MROH2B: variants seen among roughly 807,000 people sequenced by gnomAD.
The protein encoded by MROH2B is maestro heat like repeat family member 2B, also known as maestro heat-like repeat-containing protein family member 2B.
In MROH2B, 177 loss-of-function variants were observed where a neutral mutation model predicts 208.6. The observed-to-expected ratio is 0.85, with a 90% CI of 0.75 to 0.96. MROH2B has a LOEUF of 0.96. Ranked by LOEUF, MROH2B falls within the 40% of genes least tolerant of loss-of-function variation. The probability of loss-of-function intolerance (pLI) is 0.00; values close to 1 mark genes in which losing one functional copy is unlikely to be tolerated. For missense variants in MROH2B, 2,002 were observed against 1,878.7 expected (o/e 1.07, Z -1.21); for synonymous variants, 728 against 659.0 (o/e 1.10, Z -1.60).
At chr5:41,005,147 G>T (rs1052735934) in intron 35 of MROH2B, 5 of 566,362 alleles carry the variant, frequency 8.8e-6, no homozygotes, top group Non-Finnish European at 1.5e-5. Flanking sequence ...CTGCATAACA[G>T]ATGTCTAGTC....
chr5:41,049,138 T>C lies in MROH2B; in HGVS notation c.1505A>G (p.Lys502Arg). Residue 502 changes from lysine to arginine, a missense_variant, in exon 15 of 42, where the codon AAA (lysine) becomes AGA (arginine). By Grantham distance (26) the Lys-to-Arg change is conservative (BLOSUM62 2). Transcript: ENST00000399564. ...CAGTAGCTGCTGTGGTGAAGGAAGT[T>C]TCACTAGAAAGAGAAAGCAATTTTC... ...TALVVSTGAV[K>R]LPSPQQLLAR... 6.2e-7 allele frequency: 1 copy of C among 1,601,358 alleles called. No homozygotes were observed. Among genetic ancestry groups the C allele is most frequent in the Non-Finnish European group, 8.5e-7 (1 of 1,173,174 alleles).
At position 41,017,839 on chromosome 5, in the gene MROH2B, C is replaced by T. The variant is rs761370911; in HGVS notation, c.2884+11G>A. On this transcript the variant is annotated intron_variant, in intron 28 of 41. Transcript: ENST00000399564. ...TTTTCTTCATTTGTGGGTTCCCCAT[C>T]TTTCCCTCACCTTTTATATAGAACA... 1.9e-6 allele frequency: 3 copies of T among 1,572,632 alleles called. No individual in the cohort carries two copies. Among genetic ancestry groups the T allele is most frequent in the South Asian group, 1.2e-5 (1 of 84,048 alleles).
intron 11 of MROH2B, 53 bp from the exon 12 acceptor site, chr5:41,052,640 AATT>A: frequency 6.7e-7 from 1 of 1,483,926 alleles, no homozygotes; most frequent in Non-Finnish European, 9.0e-7. Context: ...GCAGAAGGGA[AATT>A]TACCTTATTT....
rs371022714 is a variant in MROH2B, at chr5:41,045,808, T to A, written c.1774A>T (p.Ile592Phe). Residue 592 changes from isoleucine (I) to phenylalanine (F), a missense_variant, in exon 18 of 42, where the codon ATT becomes TTT. By Grantham distance (21) the Ile-to-Phe change is conservative. Transcript: ENST00000399564. ...LWKISDVAWT[I>F]QLTQDFKQQM... is the part of the protein sequence containing the mutation. Reference sequence around the variant, plus strand: ...TGTTTGAAATCCTGAGTCAGCTGAATGGTCCAGGCCACATCACTGATCTTC... The same window carrying A: ...TGTTTGAAATCCTGAGTCAGCTGAAAGGTCCAGGCCACATCACTGATCTTC... The A allele has an allele frequency of 9.2e-5, 149 of 1,613,498 alleles. No individual in the cohort carries two copies. Among genetic ancestry groups the A allele is most frequent in the Non-Finnish European group, 1.2e-4 (143 of 1,179,598 alleles).
chr5:41,037,061 G>A (rs1480673182), intron 21 of MROH2B, among the ~76,000 whole-genome samples: 7 of 152,012 alleles, frequency 4.6e-5, no homozygotes, highest in Non-Finnish European at 8.8e-5. Context: ...TTAGAGACAA[G>A]GTCTTGCTCT....
At position 41,018,425 on chromosome 5, in the gene MROH2B, G is replaced by T. The variant is rs762001441; in HGVS notation, c.2679C>A (p.Leu893=). The part of the protein sequence containing the change: ...AEDCQEMFNL[L]QMWLVSQKEW... ...CTTTTTGTGAAACAAGCCACATTTG[G>T]AGAAGCTGTTGGTCAAAGAATAAAT... The change falls in exon 27 of 42, where the codon CTC becomes CTA. Residue 893 remains leucine, a synonymous_variant. Coordinates refer to ENST00000399564, the MANE Select transcript of MROH2B (RefSeq NM_173489.5). The T allele has an allele frequency of 2.5e-6, 4 of 1,612,492 alleles. No individual in the cohort carries two copies. The highest frequency in any genetic ancestry group is 3.4e-6 in the Non-Finnish European group (4 of 1,179,416).
rs760152044 is a variant in MROH2B at position 41,008,586 on chromosome 5, C to T, written c.3608+20G>A. ...GGGATTAGGACCACTGTGGAAGATGCTTCCTGATTGGCCGTTTACCTGCAG... is the reference window on the plus strand; with the variant it reads ...GGGATTAGGACCACTGTGGAAGATGTTTCCTGATTGGCCGTTTACCTGCAG... On this transcript the variant is annotated intron_variant, in intron 33 of 41. Transcript: ENST00000399564. 9.9e-6 allele frequency: 16 copies of T among 1,611,318 alleles called. No homozygotes were observed. Among genetic ancestry groups the T allele is most frequent in the Non-Finnish European group, 1.4e-5 (16 of 1,178,804 alleles).
At chr5:41,022,629 C>T (rs1487922720) in intron 24 of MROH2B, among the ~76,000 whole-genome samples, 1 of 152,220 alleles carries the variant, frequency 6.6e-6, no homozygotes, top group Non-Finnish European at 1.5e-5. Flanking sequence ...GGTGGCAGGG[C>T]ATAGCCGAAC....
chr5:41,034,548 AC>A (rs753270315), intron 21 of MROH2B, among the ~76,000 whole-genome samples: 23 of 152,086 alleles, frequency 1.5e-4, no homozygotes, highest in Non-Finnish European at 2.8e-4. Flanking sequence ...ATTTCAGATA[AC>A]CCTTACCATT....
At position 41,058,189 on chromosome 5, in the gene MROH2B, A is replaced by C. The variant is rs371863958; in HGVS notation, c.630T>G (p.Val210=). 1 of 1,587,250 alleles carries C rather than the reference A, an allele frequency of 6.3e-7. No individual in the cohort carries two copies. The highest frequency in any genetic ancestry group is 8.6e-7 in the Non-Finnish European group (1 of 1,166,264). The change falls in exon 7 of 42, where the codon GTT becomes GTG. Residue 210 remains valine, a synonymous_variant. Transcript: ENST00000399564. ...AGCTCACCGTGGGCCCGTGGGCCTTAACGATGCTCAAAGTCTGTACAGGCA... is the reference window on the plus strand; with the variant it reads ...AGCTCACCGTGGGCCCGTGGGCCTTCACGATGCTCAAAGTCTGTACAGGCA... The part of the protein sequence containing the change: ...LASPMQTLSI[V]KAHGPTVSLL...
chr5:41,012,454 A>G (rs1741803248), intron 30 of MROH2B, 129 bp downstream of exon 30: 6 of 890,260 alleles, frequency 6.7e-6, no homozygotes, highest in African/African-American at 1.7e-5. Context: ...TAGGTCTCTA[A>G]TGAGGCCTCT....
chr5:41,019,066 A>G, intron 24 of MROH2B, 48 bp from the exon 25 acceptor site: 2 of 1,606,856 alleles, frequency 1.2e-6, no homozygotes, highest in African/African-American at 1.3e-5. Context: ...TGACCATCAG[A>G]ACATACCCAG....
intron 24 of MROH2B, among the ~76,000 whole-genome samples, chr5:41,020,664 G>C (rs1051239461): frequency 6.6e-6 from 1 of 151,912 alleles, no homozygotes; most frequent in Non-Finnish European, 1.5e-5. Flanking sequence ...TTGCCCAAAG[G>C]TGTTTATCAA....
In MROH2B at chr5:41,000,791, C is replaced by G; in HGVS notation, c.4237G>C (p.Asp1413His). 1 of 1,611,660 alleles carries G rather than the reference C, an allele frequency of 6.2e-7. No homozygotes were observed. The highest frequency in any genetic ancestry group is 1.1e-5 in the South Asian group (1 of 90,342). The change falls in exon 38 of 42, where the codon GAC (aspartate) becomes CAC (histidine). Residue 1413 changes from aspartate (D) to histidine (H), a missense_variant. Transcript: ENST00000399564. ...CTTCTTCCTGTTAGGGGTGCCAGGT[C>G]CTCAAATAAGAAGATGGCAGTCAAT... ...VRLTAIFLFE[D>H]LAPLTGRRWK...
chr5:41,015,965 T>C (rs1741935061), intron 28 of MROH2B, among the ~76,000 whole-genome samples: 1 of 152,232 alleles, frequency 6.6e-6, no homozygotes, highest in Non-Finnish European at 1.5e-5. Flanking sequence ...ATTGTTGATA[T>C]CAATTTATAA....
At chr5:41,060,041 T>C (rs1283475515) in intron 6 of MROH2B, among the ~76,000 whole-genome samples, 1 of 152,186 alleles carries the variant, frequency 6.6e-6, no homozygotes, top group East Asian at 1.9e-4. Flanking sequence ...TGTCCCACAT[T>C]TGTAATTCCT....
intron 1 of MROH2B, 118 bp from the exon 2 acceptor site, chr5:41,069,870 T>A (rs947489994): frequency 3.3e-5 from 24 of 717,280 alleles, no homozygotes; most frequent in Non-Finnish European, 5.2e-5. Flanking sequence ...TCTCTCTCCC[T>A]TGACTGCTAG....
Position 41,008,826 on chromosome 5 carries a change from T to C in MROH2B, c.3421-33A>G, listed in dbSNP as rs1469735271. On this transcript the variant is annotated intron_variant, in intron 32 of 41. Transcript: ENST00000399564. ...GAGAAAGGGCCTCTTGGTCAGGCAG[T>C]CTCATTTTCTCCAAGGCCATCTTCT... 3 of 1,579,670 alleles carry C rather than the reference T, an allele frequency of 1.9e-6. No individual in the cohort carries two copies. The African/African-American group carries it at 4.0e-5, about 21-fold the overall frequency.
intron 17 of MROH2B, among the ~76,000 whole-genome samples, chr5:41,047,147 G>A (rs949251140): frequency 1.3e-5 from 2 of 152,104 alleles, no homozygotes; most frequent in African/African-American, 2.4e-5. Flanking sequence ...TCACATCTTT[G>A]TAAAGCCAAT....
Sources: gnomAD v4.1 joint callset for allele counts (sites outside exome capture counted in the v4.1 genomes callset) on GRCh38, gnomAD v4.1.1 for gene constraint, MANE v1.5 for transcripts, NCBI Gene and HGNC (gene_info 2026-07-23, HGNC 2026-07-21) for gene names.